DIP2A: variants seen among roughly 807,000 people sequenced by gnomAD.
The protein encoded by DIP2A is disco-interacting protein 2 homolog A.
In DIP2A, 85 loss-of-function variants were observed where a neutral mutation model predicts 177.4. The observed-to-expected ratio is 0.48, with a 90% CI of 0.40 to 0.57. DIP2A has a LOEUF of 0.57. DIP2A is among the 20% of genes least tolerant of loss of function. The pLI, the probability that DIP2A is intolerant of heterozygous loss-of-function variation, is 0.00. For synonymous variants in DIP2A, 886 were observed against 881.8 expected (o/e 1.00, Z -0.08); for missense variants, 1,791 against 2,100.2 (o/e 0.85, Z 2.88).
rs2060917847 is a variant in DIP2A, at chr21:46,569,309, G to C, written c.*1687G>C. On this transcript the variant is annotated 3_prime_UTR_variant, in exon 38 of 38. Coordinates refer to ENST00000417564, the MANE Select transcript of DIP2A (RefSeq NM_015151.4). ...CTGGCTACAAATAGCACTGTGCATA[G>C]TAGCCCTGTTTCCCCATGGTGTTGG... The C allele has an allele frequency of 6.6e-6, 1 of 152,274 alleles. No individual in the cohort carries two copies. The highest frequency in any genetic ancestry group is 1.9e-4 in the East Asian group (1 of 5,190). 9.4% of individuals were successfully genotyped at this position (152,274 alleles called of 1,614,324 possible). A position where few individuals can be genotyped will look rare whatever the true frequency, so the allele number is the denominator to read the frequency against.
the DIP2A span, among the ~76,000 whole-genome samples, chr21:46,577,785 T>G: frequency 6.6e-6 from 1 of 152,216 alleles, no homozygotes; most frequent in Non-Finnish European, 1.5e-5. Flanking sequence ...TTTTTCCATT[T>G]GTTTGTGTCT....
At chr21:46,463,769 C>T (rs1288949021) in intron 1 of DIP2A, among the ~76,000 whole-genome samples, 4 of 151,182 alleles carry the variant, frequency 2.6e-5, no homozygotes, top group Admixed American at 1.3e-4. Context: ...AGTTCAGTGG[C>T]GCGATCTCGG....
intron 4 of DIP2A, among the ~76,000 whole-genome samples, chr21:46,497,479 A>G (rs566499364): frequency 2.8e-4 from 42 of 152,230 alleles, no homozygotes; most frequent in Non-Finnish European, 5.3e-4. Context: ...CTTATTACCT[A>G]TAACTTAACA....
Position 46,567,736 on chromosome 21 carries a change from C to T in DIP2A, c.*114C>T. The T allele has an allele frequency of 7.6e-7, 1 of 1,320,676 alleles. No individual in the cohort carries two copies. The highest frequency in any genetic ancestry group is 2.5e-4 in the Middle Eastern group (1 of 3,932). The allele number at this position is 1,320,676 out of a possible 1,614,324, so 81.8% of individuals were successfully genotyped here. On this transcript the variant is annotated 3_prime_UTR_variant, in exon 38 of 38. Coordinates refer to ENST00000417564, the MANE Select transcript of DIP2A (RefSeq NM_015151.4). ...GGGACTCGCCCTTCCTGTGCTCTTA[C>T]AGATCCCTCTCAACAATCCCCGCAT...
chr21:46,529,255 T>C, intron 9 of DIP2A, 72 bp downstream of exon 9: 1 of 949,880 alleles, frequency 1.1e-6, no homozygotes, highest in Non-Finnish European at 1.6e-6. Context: ...TCATTGAAAT[T>C]AGTGTTCTAT....
At chr21:46,549,513 C>T (rs1316575266) in intron 21 of DIP2A, among the ~76,000 whole-genome samples, 1 of 152,130 alleles carries the variant, frequency 6.6e-6, no homozygotes, top group Non-Finnish European at 1.5e-5. Flanking sequence ...GGAATTTTTT[C>T]TTGTAAAAAT....
rs536819934 is a variant in DIP2A, at chr21:46,525,345, C to T, written c.1103-3747C>T. Among the ~76,000 whole-genome samples the T allele has an allele frequency of 9.2e-5, 14 of 152,262 alleles. No individual in the cohort carries two copies. In the South Asian group the frequency reaches 2.5e-3, roughly 27 times the overall value. On this transcript the variant is annotated intron_variant, in intron 8 of 37. Transcript: ENST00000417564. ...TGTGAATGGTGTGGGACTGGGTTCC[C>T]GGGTTCGTTTCTAAAGAAAGATAAC...
chr21:46,546,205 T>C, intron 20 of DIP2A: 1 of 1,307,672 alleles, frequency 7.6e-7, no homozygotes, highest in Non-Finnish European at 9.7e-7. Flanking sequence ...ATGAGGATGT[T>C]TTGCTTTTTA....
At chr21:46,522,430 C>T (rs2058862523) in intron 8 of DIP2A, among the ~76,000 whole-genome samples, 1 of 152,176 alleles carries the variant, frequency 6.6e-6, no homozygotes. Flanking sequence ...TAATAAGCAG[C>T]TGGAAGGCAA....
Position 46,567,560 on chromosome 21 carries a change from C to T in DIP2A, c.4654C>T (p.His1552Tyr), listed in dbSNP as rs754800986. ...INSRGEKQRM[H>Y]LRDGFLADQL... ...CTCTCGGGGTGAGAAGCAGCGCATGCACCTGCGGGACGGCTTCCTGGCTGA... is the reference window on the plus strand; with the variant it reads ...CTCTCGGGGTGAGAAGCAGCGCATGTACCTGCGGGACGGCTTCCTGGCTGA... The change falls in exon 38 of 38, where the codon CAC (histidine) becomes TAC (tyrosine). Residue 1552 changes from histidine to tyrosine, a missense_variant. Coordinates refer to ENST00000417564, the MANE Select transcript of DIP2A (RefSeq NM_015151.4). 1 of 1,613,540 alleles carries T rather than the reference C, an allele frequency of 6.2e-7. No homozygotes were observed.
At chr21:46,554,786 G>A (rs2060400781) in intron 27 of DIP2A, 36 bp from the exon 28 acceptor site, 2 of 1,519,128 alleles carry the variant, frequency 1.3e-6, no homozygotes, top group Admixed American at 4.1e-5. Context: ...AGCTTGAGAG[G>A]CCCCGCCCAC....
downstream of DIP2A, among the ~76,000 whole-genome samples, chr21:46,573,433 G>A (rs769276552): frequency 6.6e-6 from 1 of 151,796 alleles, no homozygotes; most frequent in South Asian, 2.1e-4. Context: ...GCTGAGGCAG[G>A]TGGTTTTCTT....
chr21:46,537,654 A>AG lies in DIP2A; in HGVS notation c.1801+116dup. On this transcript the variant is annotated intron_variant, in intron 15 of 37. Transcript: ENST00000417564. The surrounding 1 kb of genome is among the most constrained non-coding windows in gnomAD (Gnocchi z 4.1). The stretch of plus-strand genomic sequence containing the variant: ...ATGTGGAACTGCAGATGTAGGCTGA[A>AG]GAGCTGTGGGACGTCTTTCTTGGTC... The AG allele has an allele frequency of 9.7e-7, 1 of 1,026,580 alleles. No individual in the cohort carries two copies. Among genetic ancestry groups the AG allele is most frequent in the Non-Finnish European group, 1.5e-6 (1 of 682,530 alleles). 63.6% of individuals were successfully genotyped at this position (1,026,580 alleles called of 1,614,324 possible).
intron 6 of DIP2A, among the ~76,000 whole-genome samples, chr21:46,506,203 G>A (rs997130636): frequency 9.2e-5 from 14 of 151,976 alleles, no homozygotes; most frequent in Admixed American, 8.5e-4. Context: ...CTGAAACCTC[G>A]CCATCCTGGG....
At position 46,550,545 on chromosome 21, in the gene DIP2A, C is replaced by G; in HGVS notation, c.2640C>G (p.Ala880=). 6.2e-7 allele frequency: 1 copy of G among 1,612,280 alleles called. No homozygotes were observed. Among genetic ancestry groups the G allele is most frequent in the Non-Finnish European group, 8.5e-7 (1 of 1,179,190 alleles). ...CAAACAGGGTCCTTCCCTTTCAGGC[C>G]ATTGATAGCATCCACCAGGTGGGCG... ...SFQWMSRVLQ[A]IDSIHQVGVY... is the part of the protein sequence containing the mutation. Residue 880 remains alanine (A), a splice_region_variant and synonymous_variant, in exon 23 of 38, where the codon GCC becomes GCG. Coordinates refer to ENST00000417564, the MANE Select transcript of DIP2A (RefSeq NM_015151.4).
chr21:46,567,318 C>T, intron 37 of DIP2A, 52 bp from the exon 38 acceptor site: 1 of 1,561,648 alleles, frequency 6.4e-7, no homozygotes, highest in East Asian at 2.3e-5. Flanking sequence ...ATTCATTGGC[C>T]CCTGTGACCT....
At position 46,556,277 on chromosome 21, in the gene DIP2A, C is replaced by T. The variant is rs529158761; in HGVS notation, c.3498+186C>T. 31 of 1,473,836 alleles carry T rather than the reference C, an allele frequency of 2.1e-5. No homozygotes were observed. Among genetic ancestry groups the T allele is most frequent in the Admixed American group, 1.2e-4 (6 of 50,172 alleles). 91.3% of individuals were successfully genotyped at this position (1,473,836 alleles called of 1,614,324 possible). ...AGATGTGATTAGCCTGAGAGTAATG[C>T]GTTTTCTGATGCATTATGGTTATGT... On this transcript the variant is annotated intron_variant, in intron 29 of 37. Transcript: ENST00000417564. This position sits in a 1 kb window ranked among gnomAD's most constrained non-coding sequence, Gnocchi z 4.5.
intron 1 of DIP2A, among the ~76,000 whole-genome samples, chr21:46,483,968 T>G (rs2839287): frequency 0.36 from 54,285 of 152,120 alleles, 10,025 homozygotes; most frequent in Middle Eastern, 0.44. Context: ...AAGAAGTGTT[T>G]TCATGATGGT....
At chr21:46,551,149 G>T (rs1202910850) in intron 23 of DIP2A, among the ~76,000 whole-genome samples, 1 of 152,162 alleles carries the variant, frequency 6.6e-6, no homozygotes, top group Non-Finnish European at 1.5e-5. Flanking sequence ...TCAGCAAACG[G>T]CCAACTTGCC....
Sources: allele counts gnomAD v4.1 joint callset (sites outside exome capture counted in the v4.1 genomes callset), GRCh38; gene constraint gnomAD v4.1.1; non-coding constraint Gnocchi (gnomAD v3.1); transcripts MANE v1.5; gene names NCBI Gene and HGNC (gene_info 2026-07-23, HGNC 2026-07-21).